Variants in SPAG16 observed in about 807,000 individuals in gnomAD.
SPAG16 encodes the protein sperm-associated antigen 16 protein.
Under a neutral mutation model 80.4 loss-of-function variants are expected in SPAG16, and 86 were observed. That is an observed-to-expected ratio of 1.07 (90% CI 0.90 to 1.28). SPAG16 has a LOEUF of 1.28. Among genes scored for constraint, SPAG16 ranks in the 50% most tolerant of loss-of-function variants. The pLI is 0.00. For synonymous variants in SPAG16, 294 were observed against 265.9 expected (o/e 1.11, Z -1.03); for missense variants, 870 against 765.3 (o/e 1.14, Z -1.61).
intron 10 of SPAG16, among the ~76,000 whole-genome samples, chr2:213,535,770 C>T (rs1441155175): frequency 6.6e-6 from 1 of 152,080 alleles, no homozygotes; most frequent in African/African-American, 2.4e-5. Context: ...ATTAAGAGTG[C>T]AGGCTAACAA....
At chr2:213,582,443 A>G (rs967233441) in intron 10 of SPAG16, among the ~76,000 whole-genome samples, 2 of 152,174 alleles carry the variant, frequency 1.3e-5, no homozygotes, top group African/African-American at 4.8e-5. Flanking sequence ...TAGCCATGAA[A>G]CATGAGGCCT....
chr2:213,791,317 A>T (rs1362267117), intron 10 of SPAG16, among the ~76,000 whole-genome samples: 1 of 152,082 alleles, frequency 6.6e-6, no homozygotes. Context: ...AATCCTTTGC[A>T]TATACCCCTT....
intron 10 of SPAG16, among the ~76,000 whole-genome samples, chr2:213,721,892 T>C (rs1044107240): frequency 2.0e-5 from 3 of 152,236 alleles, no homozygotes; most frequent in Non-Finnish European, 4.4e-5. Context: ...AAGCTTTTAA[T>C]AAAAGTTTAT....
At position 214,304,028 on chromosome 2, in the gene SPAG16, G is replaced by C. The variant is rs370560734; in HGVS notation, c.1721-106112G>C. Among the ~76,000 whole-genome samples the C allele has an allele frequency of 1.4e-4, 21 of 152,214 alleles. No individual in the cohort carries two copies. The East Asian group carries it at 3.9e-3, about 28-fold the overall frequency. On this transcript the variant is annotated intron_variant, in intron 15 of 15. Coordinates refer to ENST00000331683, the MANE Select transcript of SPAG16 (RefSeq NM_024532.5). ...TCCTCCCACCCTCCACCTTCCAGTAGGCCCCAGTGTGTTTTGTTCCCCTCT... is the reference window on the plus strand; with the variant it reads ...TCCTCCCACCCTCCACCTTCCAGTACGCCCCAGTGTGTTTTGTTCCCCTCT...
At chr2:213,482,588 T>G (rs1503378) in intron 9 of SPAG16, among the ~76,000 whole-genome samples, 3,535 of 152,270 alleles carry the variant, frequency 0.023, 58 homozygotes, top group South Asian at 0.038. Flanking sequence ...TGTTCATTTT[T>G]ATTAACTAAT....
chr2:214,276,828 A>G (rs11889393), intron 15 of SPAG16, among the ~76,000 whole-genome samples: 12 of 152,200 alleles, frequency 7.9e-5, no homozygotes, highest in African/African-American at 1.9e-4. Context: ...CTGAATTTCA[A>G]TGTTGGCCTG....
chr2:213,700,775 G>T (rs939190089), intron 10 of SPAG16, among the ~76,000 whole-genome samples: 3 of 152,096 alleles, frequency 2.0e-5, no homozygotes, highest in African/African-American at 7.2e-5. Context: ...CTCTTTTACA[G>T]ATTTTTAAAA....
At chr2:213,829,189 C>G (rs772022593) in intron 10 of SPAG16, among the ~76,000 whole-genome samples, 2 of 152,142 alleles carry the variant, frequency 1.3e-5, no homozygotes, top group Non-Finnish European at 2.9e-5. Context: ...AGTCAGAAAC[C>G]TTAGAAATTT....
At chr2:214,077,281 G>A (rs1360862050) in intron 13 of SPAG16, among the ~76,000 whole-genome samples, 1 of 152,170 alleles carries the variant, frequency 6.6e-6, no homozygotes. Flanking sequence ...CCGAGAGGAT[G>A]TCCCTCACTC....
intron 12 of SPAG16, among the ~76,000 whole-genome samples, chr2:214,011,106 A>G (rs1228324292): frequency 7.3e-6 from 1 of 137,570 alleles, no homozygotes; most frequent in Non-Finnish European, 1.5e-5. Flanking sequence ...CCATTTTAAT[A>G]TAATAGGAAT....
At chr2:214,240,288 A>G (rs1451235143) in intron 15 of SPAG16, 3 of 152,208 alleles carry the variant, frequency 2.0e-5, no homozygotes, top group Admixed American at 1.3e-4. Flanking sequence ...TAATTCCAGG[A>G]AAAGAATTCC....
intron 10 of SPAG16, among the ~76,000 whole-genome samples, chr2:213,821,194 T>C (rs1365942145): frequency 1.3e-5 from 2 of 152,152 alleles, no homozygotes; most frequent in African/African-American, 2.4e-5. Context: ...TGAAAAGTAT[T>C]AAATTTATTT....
chr2:213,743,686 C>G (rs2067685566), intron 10 of SPAG16, among the ~76,000 whole-genome samples: 1 of 150,966 alleles, frequency 6.6e-6, no homozygotes, highest in African/African-American at 2.4e-5. Context: ...CTTCTTTTCA[C>G]ATTCTATACT....
intron 9 of SPAG16, among the ~76,000 whole-genome samples, chr2:213,397,042 T>C (rs1261695748): frequency 4.6e-5 from 7 of 152,234 alleles, no homozygotes. Flanking sequence ...AATGAAAATC[T>C]AGATTTTCCT....
At chr2:214,010,889 G>A (rs114876582) in intron 12 of SPAG16, among the ~76,000 whole-genome samples, 4,237 of 144,872 alleles carry the variant, frequency 0.029, 859 homozygotes, top group African/African-American at 0.11. Context: ...GAAAGTGGGA[G>A]GAACATAAAT....
chr2:214,256,651 C>G (rs1690705778), intron 15 of SPAG16, among the ~76,000 whole-genome samples: 1 of 151,558 alleles, frequency 6.6e-6, no homozygotes, highest in East Asian at 1.9e-4. Context: ...CAAACAACAA[C>G]AACAACAAGA....
chr2:214,223,318 G>A (rs1209832646), intron 15 of SPAG16, among the ~76,000 whole-genome samples: 1 of 152,016 alleles, frequency 6.6e-6, no homozygotes, highest in Non-Finnish European at 1.5e-5. Flanking sequence ...ATTACTATAA[G>A]ATTTATTTTC....
At chr2:213,444,970 G>A (rs2071205983) in intron 9 of SPAG16, among the ~76,000 whole-genome samples, 1 of 152,044 alleles carries the variant, frequency 6.6e-6, no homozygotes, top group Admixed American at 6.6e-5. Context: ...TTTTGATAAA[G>A]GCACCAAGAA....
At chr2:214,403,420 C>A (rs1701825500) in intron 15 of SPAG16, among the ~76,000 whole-genome samples, 1 of 149,420 alleles carries the variant, frequency 6.7e-6, no homozygotes, top group South Asian at 2.1e-4. Context: ...AAAATGTACC[C>A]AAAATGGTAT....
Sources: gnomAD v4.1 joint callset for allele counts (sites outside exome capture counted in the v4.1 genomes callset) on GRCh38, gnomAD v4.1.1 for gene constraint, MANE v1.5 for transcripts, NCBI Gene and HGNC (gene_info 2026-07-23, HGNC 2026-07-21) for gene names.